Variants in TTLL3 observed in about 807,000 individuals in gnomAD.
TTLL3 encodes the protein tubulin tyrosine ligase like 3, also known as tubulin monoglycylase TTLL3.
Under a neutral mutation model 75.2 loss-of-function variants are expected in TTLL3, and 63 were observed. The ratio of observed to expected loss-of-function variants is 0.84; its 90% CI spans 0.68 to 1.03. The LOEUF is 1.03. Among genes scored for constraint, TTLL3 ranks in the 50% least tolerant of loss-of-function variants. The pLI, the probability that TTLL3 is intolerant of heterozygous loss-of-function variation, is 0.00. For missense variants in TTLL3, 997 were observed against 1,069.9 expected (o/e 0.93, Z 0.95); for synonymous variants, 393 against 418.5 (o/e 0.94, Z 0.74).
intron 11 of TTLL3, among the ~76,000 whole-genome samples, chr3:9,832,251 A>C (rs547789375): frequency 3.3e-5 from 5 of 151,202 alleles, no homozygotes; most frequent in Non-Finnish European, 7.4e-5. Context: ...ATGACCTGCT[A>C]ATTTTTTTGT....
At chr3:9,809,929 A>C (rs1369138005), upstream of TTLL3, 44 of 1,192,340 alleles carry the variant, frequency 3.7e-5, no homozygotes, top group Admixed American at 1.3e-4. Flanking sequence ...CTAGGCAGGA[A>C]CTTCCCGGGA....
chr3:9,833,537 G>GT (rs763984854), intron 12 of TTLL3, among the ~76,000 whole-genome samples: 7 of 152,290 alleles, frequency 4.6e-5, no homozygotes, highest in Admixed American at 6.5e-5. Flanking sequence ...CGGGCCCTGG[G>GT]TAAGACCATT....
rs771303194 is a variant in TTLL3 at position 9,820,685 on chromosome 3, G to A, written c.798G>A (p.Leu266=). 1.9e-6 allele frequency: 3 copies of A among 1,614,038 alleles called. No homozygotes were observed. Among genetic ancestry groups the A allele is most frequent in the African/African-American group, 1.3e-5 (1 of 74,920 alleles). The change falls in exon 8 of 14, where the codon CTG becomes CTA. Residue 266 remains leucine (L), a synonymous_variant. Coordinates refer to ENST00000685419, the MANE Select transcript of TTLL3 (RefSeq NM_001387446.1). ...MDIDKDLEAP[L]YLTPEGWSLF... ...TCGACAAGGACCTGGAGGCCCCGCT[G>A]TACCTCACCCCCGAGGGCTGGTCCC...
At chr3:9,813,158 T>G (rs535267965) in intron 3 of TTLL3, 47 bp downstream of exon 3, 1 of 1,602,650 alleles carries the variant, frequency 6.2e-7, no homozygotes, top group East Asian at 2.2e-5. Context: ...TGAGTCCTTT[T>G]CCTTTGGTTC....
At chr3:9,810,065 G>C (rs547407722), upstream of TTLL3, 2 of 1,361,054 alleles carry the variant, frequency 1.5e-6, no homozygotes, top group Non-Finnish European at 1.9e-6. The surrounding 1 kb of genome is among the most constrained non-coding windows in gnomAD (Gnocchi z 4.4). Flanking sequence ...CCCGGGCGCC[G>C]GGGCTCGGCC....
At chr3:9,830,642 G>A (rs1323954108) in intron 11 of TTLL3, among the ~76,000 whole-genome samples, 1 of 152,192 alleles carries the variant, frequency 6.6e-6, no homozygotes, top group Non-Finnish European at 1.5e-5. Context: ...TGAGGGAAAA[G>A]GTGCCATTGT....
At position 9,827,151 on chromosome 3, in the gene TTLL3, AACTG is replaced by A; in HGVS notation, c.1163_1166del (p.Asp388GlyfsTer23). ...TTGACCTCAGACAGTGGTTCCTGGT[AACTG>A]ACTGGAACCCACTTACCGTGTGGTT... On this transcript the variant is annotated frameshift_variant, in exon 10 of 14. Coordinates refer to ENST00000685419, the MANE Select transcript of TTLL3 (RefSeq NM_001387446.1). LOFTEE classifies it high-confidence loss of function. 6.2e-7 allele frequency: 1 copy of A among 1,614,226 alleles called. No individual in the cohort carries two copies. Among genetic ancestry groups the A allele is most frequent in the Middle Eastern group, 1.6e-4 (1 of 6,062 alleles).
rs773741549 is a variant in TTLL3 at position 9,833,195 on chromosome 3, T to G, written c.1775T>G (p.Met592Arg). ...KKPMAMCHRR[M>R]GVRPAVPLLT... is the part of the protein sequence containing the mutation. ...CCCATGGCGATGTGTCATCGGCGGATGGGGGTCCGCCCAGCAGTCCCTCTG... is the reference window on the plus strand; with the variant it reads ...CCCATGGCGATGTGTCATCGGCGGAGGGGGGTCCGCCCAGCAGTCCCTCTG... Residue 592 changes from methionine (M) to arginine (R), a missense_variant, in exon 12 of 14, where the codon ATG becomes AGG. By Grantham distance (91) the Met-to-Arg change is moderately conservative. Transcript: ENST00000685419. 6.2e-7 allele frequency: 1 copy of G among 1,614,086 alleles called. No individual in the cohort carries two copies. The highest frequency in any genetic ancestry group is 8.5e-7 in the Non-Finnish European group (1 of 1,179,992).
upstream of TTLL3, chr3:9,809,988 C>CGGGCGCGGGATCAGGGGCCCTGGGAGGGA (rs766011301): frequency 7.7e-7 from 1 of 1,295,542 alleles, no homozygotes. Context: ...CCTGGGAGGG[C>CGGGCGCGGGATCAGGGGCCCTGGGAGGGA]GAGCGCGGCG....
In TTLL3 at chr3:9,833,230, C is replaced by T. The variant is rs115917139; in HGVS notation, c.1810C>T (p.Arg604Ter). 67,190 of 1,613,894 alleles carry T rather than the reference C, an allele frequency of 0.042. 1,627 individuals are homozygous for T. Among genetic ancestry groups the T allele is most frequent in the South Asian group, 0.078 (7,062 of 91,060 alleles). Residue 604 changes from arginine (R) to a stop codon, truncating the protein, a stop_gained, in exon 12 of 14, where the codon CGA (arginine) becomes TGA (stop). Coordinates refer to ENST00000685419, the MANE Select transcript of TTLL3 (RefSeq NM_001387446.1). LOFTEE classifies it high-confidence loss of function. Reference sequence around the variant, plus strand: ...CCCAGCAGTCCCTCTGCTGACCCAGCGAGGCTCTGGGGAAGGCAAGGACTC... The same window carrying T: ...CCCAGCAGTCCCTCTGCTGACCCAGTGAGGCTCTGGGGAAGGCAAGGACTC... ...VRPAVPLLTQ[R>*]GSGEARHHFP...
intron 4 of TTLL3, among the ~76,000 whole-genome samples, chr3:9,813,792 G>C (rs1438112768): frequency 6.6e-6 from 1 of 151,990 alleles, no homozygotes; most frequent in Non-Finnish European, 1.5e-5. Flanking sequence ...CTCTAAAAAA[G>C]AAATAAGTGA....
intron 8 of TTLL3, among the ~76,000 whole-genome samples, chr3:9,825,178 C>T (rs1401467928): frequency 6.6e-6 from 1 of 152,056 alleles, no homozygotes; most frequent in African/African-American, 2.4e-5. Context: ...TAATAAGACC[C>T]ATCTCTGCAA....
At chr3:9,816,543 G>T (rs1282248876) in intron 5 of TTLL3, among the ~76,000 whole-genome samples, 2 of 6,038 alleles carry the variant, frequency 3.3e-4, no homozygotes, top group African/African-American at 7.7e-4. Flanking sequence ...TTGAGACAGA[G>T]TCTTGCTCTG....
Position 9,835,481 on chromosome 3 carries a change from A to G in TTLL3, c.2440A>G (p.Arg814Gly). Residue 814 changes from arginine to glycine, a missense_variant, in exon 14 of 14, where the codon AGA (arginine) becomes GGA (glycine). Coordinates refer to ENST00000685419, the MANE Select transcript of TTLL3 (RefSeq NM_001387446.1). The part of the protein sequence containing the change: ...ARPCTPGSTA[R>G]A ...GCCGTGTACCCCAGGGTCCACAGCAAGAGCCTGAGGCCATCAGCAGCTCCT... is the reference window on the plus strand; with the variant it reads ...GCCGTGTACCCCAGGGTCCACAGCAGGAGCCTGAGGCCATCAGCAGCTCCT... The G allele has an allele frequency of 6.3e-7, 1 of 1,595,390 alleles. No homozygotes were observed. The highest frequency in any genetic ancestry group is 8.5e-7 in the Non-Finnish European group (1 of 1,172,046).
intron 6 of TTLL3, chr3:9,818,579 A>G: frequency 8.9e-7 from 1 of 1,123,302 alleles, no homozygotes; most frequent in Non-Finnish European, 1.2e-6. Context: ...TGTGTTAGCC[A>G]GGATGGTCTC....
intron 6 of TTLL3, 155 bp downstream of exon 6, chr3:9,817,914 A>C: frequency 5.2e-6 from 5 of 959,516 alleles, no homozygotes; most frequent in Non-Finnish European, 6.1e-6. Context: ...TCCTTCCCTA[A>C]TGTGCCCTCC....
chr3:9,810,523 G>A lies in TTLL3; in HGVS notation c.-41-98G>A. 2.7e-6 allele frequency: 4 copies of A among 1,473,742 alleles called. No individual in the cohort carries two copies. Among genetic ancestry groups the A allele is most frequent in the East Asian group, 2.5e-5 (1 of 39,492 alleles). 91.3% of individuals were successfully genotyped at this position (1,473,742 alleles called of 1,614,324 possible). On this transcript the variant is annotated intron_variant, in intron 1 of 13. Coordinates refer to ENST00000685419, the MANE Select transcript of TTLL3 (RefSeq NM_001387446.1). The surrounding 1 kb of genome is among the most constrained non-coding windows in gnomAD (Gnocchi z 4.4). ...GGCATCTGGATGAAGGCAGGAGGAA[G>A]AAAAGAGGCGTGGCTATGGGCGGCC... is the stretch of plus-strand genomic sequence containing the variant.
At chr3:9,834,269 A>C in intron 12 of TTLL3, 1 of 417,796 alleles carries the variant, frequency 2.4e-6, no homozygotes. Flanking sequence ...CGCTTTTCCC[A>C]CTGCAGTATT....
At chr3:9,817,390 C>T in intron 5 of TTLL3, 1 of 977,400 alleles carries the variant, frequency 1.0e-6, no homozygotes. Context: ...CGCCACTGCA[C>T]TCCAGCCTGG....
Sources: gnomAD v4.1 joint callset for allele counts (sites outside exome capture counted in the v4.1 genomes callset) on GRCh38, gnomAD v4.1.1 for gene constraint, Gnocchi (gnomAD v3.1) non-coding constraint, MANE v1.5 for transcripts, NCBI Gene and HGNC (gene_info 2026-07-23, HGNC 2026-07-21) for gene names.